SLC1A2: variants seen among roughly 807,000 people sequenced by gnomAD.
SLC1A2 encodes solute carrier family 1 member 2, also known as excitatory amino acid transporter 2.
In SLC1A2, 15 loss-of-function variants were observed where a neutral mutation model predicts 48.8. That is an observed-to-expected ratio of 0.31 (90% CI 0.21 to 0.47). The LOEUF (loss-of-function observed/expected upper bound fraction) is 0.47, where lower values mean the gene tolerates loss of function less well. Ranked by LOEUF, SLC1A2 falls within the 20% of genes least tolerant of loss-of-function variation. The pLI is 0.99. For synonymous variants in SLC1A2, 279 were observed against 272.6 expected (o/e 1.02, Z -0.23); for missense variants, 502 against 730.5 (o/e 0.69, Z 3.61).
chr11:35,314,311 T>C (rs1056273434), intron 3 of SLC1A2, among the ~76,000 whole-genome samples: 17 of 152,256 alleles, frequency 1.1e-4, no homozygotes, highest in Non-Finnish European at 2.4e-4. Context: ...TTATTTTTAA[T>C]GCCAATCTCC....
chr11:35,377,671 A>C (rs2135190297), intron 1 of SLC1A2, among the ~76,000 whole-genome samples: 1 of 152,338 alleles, frequency 6.6e-6, no homozygotes, highest in Non-Finnish European at 1.5e-5. Context: ...TCAAGTAGAT[A>C]CCAAGAAAGG....
At chr11:35,262,083 A>G (rs893933417) in intron 10 of SLC1A2, among the ~76,000 whole-genome samples, 1 of 152,244 alleles carries the variant, frequency 6.6e-6, no homozygotes, top group East Asian at 1.9e-4. Flanking sequence ...CCAACAAGAC[A>G]TAACAATGCT....
chr11:35,352,973 A>T (rs1853317873), intron 1 of SLC1A2, among the ~76,000 whole-genome samples: 1 of 152,230 alleles, frequency 6.6e-6, no homozygotes, highest in African/African-American at 2.4e-5. Flanking sequence ...AAGCAATGAC[A>T]ATAATAGCAA....
chr11:35,254,883 G>C lies in SLC1A2; in HGVS notation c.*6011C>G, dbSNP rs1287701033. Reference sequence around the variant, plus strand: ...CCTGGAGGTTGGAAAGTGAAGCAAGGCTGGACATAGAAAAAAACTGATCAG... The same window carrying C: ...CCTGGAGGTTGGAAAGTGAAGCAAGCCTGGACATAGAAAAAAACTGATCAG... On this transcript the variant is annotated 3_prime_UTR_variant, in exon 11 of 11. Coordinates refer to ENST00000278379, the MANE Select transcript of SLC1A2 (RefSeq NM_004171.4). 2.3e-6 allele frequency: 1 copy of C among 439,322 alleles called. No individual in the cohort carries two copies. The allele number at this position is 439,322 out of a possible 1,614,324, so 27.2% of individuals were successfully genotyped here. A position where few individuals can be genotyped will look rare whatever the true frequency, so the allele number is the denominator to read the frequency against.
intron 1 of SLC1A2, chr11:35,399,472 GTAAATACAAAATCTGGAGAGCCACA>G (rs1855074477): frequency 1.0e-5 from 2 of 197,606 alleles, no homozygotes; most frequent in Non-Finnish European, 1.8e-5. Flanking sequence ...ATCATAGAAT[GTAAATACAAAATCTGGAGAGCCACA>G]GCAGGAGGTA....
intron 1 of SLC1A2, among the ~76,000 whole-genome samples, chr11:35,338,331 G>A (rs139182798): frequency 4.7e-4 from 71 of 152,220 alleles, no homozygotes; most frequent in Non-Finnish European, 8.2e-4. Context: ...CCTCCCTAGT[G>A]TCTGCTTGCT....
At chr11:35,402,943 C>G (rs560306583) in intron 1 of SLC1A2, among the ~76,000 whole-genome samples, 1 of 152,346 alleles carries the variant, frequency 6.6e-6, no homozygotes, top group Admixed American at 6.5e-5. Context: ...ATCTTATCAC[C>G]TGTGGCTCTA....
intron 7 of SLC1A2, among the ~76,000 whole-genome samples, chr11:35,288,229 A>C (rs1850887545): frequency 6.6e-6 from 1 of 152,182 alleles, no homozygotes; most frequent in Non-Finnish European, 1.5e-5. Flanking sequence ...CTCCTAAAAC[A>C]ACCTTAGGAG....
intron 1 of SLC1A2, among the ~76,000 whole-genome samples, chr11:35,390,465 C>T (rs1407880747): frequency 6.6e-6 from 1 of 151,950 alleles, no homozygotes; most frequent in African/African-American, 2.4e-5. Context: ...GTTTGAGAAG[C>T]AATATTGAGG....
At chr11:35,418,880 C>A in intron 1 of SLC1A2, 70 bp downstream of exon 1, 1 of 1,431,252 alleles carries the variant, frequency 7.0e-7, no homozygotes, top group Non-Finnish European at 9.6e-7. Flanking sequence ...CTATCCGCAT[C>A]CCGGATAGGG....
chr11:35,420,358 C>A (rs1188243470), upstream of SLC1A2, among the ~76,000 whole-genome samples: 1 of 151,908 alleles, frequency 6.6e-6, no homozygotes, highest in Non-Finnish European at 1.5e-5. Context: ...AATGACGAGA[C>A]CTGTGCAGCT....
rs1950381467 is a variant in SLC1A2 at position 35,260,774 on chromosome 11, G to A, written c.*120C>T. ...GAGCTCCTCTAAGCCTCGGCTAACAGATTAAGTAAACATAGAAATATACGC... is the reference window on the plus strand; with the variant it reads ...GAGCTCCTCTAAGCCTCGGCTAACAAATTAAGTAAACATAGAAATATACGC... On this transcript the variant is annotated 3_prime_UTR_variant, in exon 11 of 11. Transcript: ENST00000278379. The A allele has an allele frequency of 1.3e-6, 1 of 760,188 alleles. No homozygotes were observed. The allele number at this position is 760,188 out of a possible 1,614,324, so 47.1% of individuals were successfully genotyped here.
At chr11:35,333,320 C>T (rs753647405) in intron 1 of SLC1A2, among the ~76,000 whole-genome samples, 12 of 151,192 alleles carry the variant, frequency 7.9e-5, no homozygotes, top group Non-Finnish European at 1.6e-4. Flanking sequence ...GGGAGGCTGA[C>T]GCAGGAGAAT....
At chr11:35,353,380 G>C (rs1351251471) in intron 1 of SLC1A2, among the ~76,000 whole-genome samples, 1 of 151,282 alleles carries the variant, frequency 6.6e-6, no homozygotes, top group Non-Finnish European at 1.5e-5. Flanking sequence ...TGAATCAAAT[G>C]TTGCTTCCTC....
intron 1 of SLC1A2, among the ~76,000 whole-genome samples, chr11:35,364,973 G>T (rs1322199554): frequency 6.6e-6 from 1 of 152,198 alleles, no homozygotes; most frequent in Non-Finnish European, 1.5e-5. Flanking sequence ...AGCAGGGCAG[G>T]TTCATCTGAA....
intron 4 of SLC1A2, among the ~76,000 whole-genome samples, chr11:35,311,893 G>GAGAGAGA (rs1565233363): frequency 1.4e-5 from 1 of 69,242 alleles, no homozygotes; most frequent in Non-Finnish European, 2.6e-5. Flanking sequence ...AGAGAGAGAG[G>GAGAGAGA]GAGGGAGAGA....
At chr11:35,395,548 C>T (rs1854924537) in intron 1 of SLC1A2, among the ~76,000 whole-genome samples, 1 of 152,048 alleles carries the variant, frequency 6.6e-6, no homozygotes, top group Non-Finnish European at 1.5e-5. Context: ...AAGCAGGCAG[C>T]AGGCAAGTCT....
chr11:35,259,658 G>A lies in SLC1A2; in HGVS notation c.*1236C>T, dbSNP rs1288926935. 2 of 152,322 alleles carry A rather than the reference G, an allele frequency of 1.3e-5. No homozygotes were observed. The highest frequency in any genetic ancestry group is 2.4e-5 in the African/African-American group (1 of 41,554). The allele number at this position is 152,322 out of a possible 1,614,324, so 9.4% of individuals were successfully genotyped here. A position where few individuals can be genotyped will look rare whatever the true frequency, so the allele number is the denominator to read the frequency against. On this transcript the variant is annotated 3_prime_UTR_variant, in exon 11 of 11. Transcript: ENST00000278379. The stretch of plus-strand genomic sequence containing the variant: ...TCAAGGCTGCCTGGACTCTGCCATA[G>A]GAATATCACTTTTATAGGGTTTTGC...
chr11:35,264,520 T>C (rs1591400866), intron 10 of SLC1A2, among the ~76,000 whole-genome samples: 1 of 152,330 alleles, frequency 6.6e-6, no homozygotes, highest in East Asian at 1.9e-4. Flanking sequence ...CATGACACTC[T>C]GACTTTGACA....
Sources: allele counts gnomAD v4.1 joint callset (sites outside exome capture counted in the v4.1 genomes callset), GRCh38; gene constraint gnomAD v4.1.1; transcripts MANE v1.5; gene names NCBI Gene and HGNC (gene_info 2026-07-23, HGNC 2026-07-21).